ABCC4: variants seen among roughly 807,000 people sequenced by gnomAD.
ABCC4 encodes ATP binding cassette subfamily C member 4 (PEL blood group), also known as ATP-binding cassette sub-family C member 4.
Under a neutral mutation model 168.5 loss-of-function variants are expected in ABCC4, and 102 were observed. The observed-to-expected ratio is 0.61, with a 90% CI of 0.52 to 0.71. ABCC4 has a LOEUF of 0.71. Ranked by LOEUF, ABCC4 falls within the 30% of genes least tolerant of loss-of-function variation. ABCC4 has a pLI of 0.00. For synonymous variants in ABCC4, 617 were observed against 590.7 expected (o/e 1.04, Z -0.65); for missense variants, 1,402 against 1,605.8 (o/e 0.87, Z 2.17).
chr13:95,126,625 C>T (rs574239383), intron 19 of ABCC4, among the ~76,000 whole-genome samples: 100 of 150,232 alleles, frequency 6.7e-4, no homozygotes, highest in Middle Eastern at 3.4e-3. Flanking sequence ...GTTCCATCCC[C>T]GGCGCATCAT....
intron 11 of ABCC4, among the ~76,000 whole-genome samples, chr13:95,178,689 G>A (rs1445355556): frequency 2.0e-5 from 3 of 152,202 alleles, no homozygotes; most frequent in African/African-American, 4.8e-5. Flanking sequence ...GATGCACACG[G>A]AACTGCGAGC....
chr13:95,266,828 T>C (rs573692416), intron 1 of ABCC4, among the ~76,000 whole-genome samples: 50 of 58,430 alleles, frequency 8.6e-4, no homozygotes, highest in Admixed American at 7.4e-3. Context: ...CTCAAATCTC[T>C]TTTTTTTTTT....
intron 19 of ABCC4, among the ~76,000 whole-genome samples, chr13:95,133,093 A>C (rs988704675): frequency 2.7e-5 from 4 of 150,562 alleles, no homozygotes; most frequent in Non-Finnish European, 5.9e-5. Flanking sequence ...GGTGCATTTT[A>C]CTATGATTTT....
rs55998383 is a variant in ABCC4 at position 95,148,591 on chromosome 13, AACACACACACACACACAC to A, written c.2455+12580_2455+12597del. 1.9e-4 allele frequency among the ~76,000 whole-genome samples: 25 copies of A among 129,790 alleles called. No individual in the cohort carries two copies. In the South Asian group the frequency reaches 2.8e-3, roughly 15 times the overall value. 85.1% of individuals were successfully genotyped at this position (129,790 alleles called of 152,430 possible). ...TCTCTCCCTCTCCCCTACCCATCAC[AACACACACACACACACAC>A]ACACACACACACACACACACACACA... On this transcript the variant is annotated intron_variant, in intron 19 of 30. Transcript: ENST00000645237.
At chr13:95,074,447 AC>A in intron 22 of ABCC4, 123 bp from the exon 23 acceptor site, 2 of 672,770 alleles carry the variant, frequency 3.0e-6, no homozygotes, top group Admixed American at 2.9e-5. Context: ...CACCCAAGGA[AC>A]CTTTAGATTC....
chr13:95,290,243 A>C (rs1045221026), intron 1 of ABCC4, among the ~76,000 whole-genome samples: 2 of 152,194 alleles, frequency 1.3e-5, no homozygotes, highest in Admixed American at 6.6e-5. Flanking sequence ...ATGGCTGTCC[A>C]GGTGATCCAA....
At chr13:95,199,065 T>C (rs1173857425) in intron 8 of ABCC4, among the ~76,000 whole-genome samples, 1 of 152,146 alleles carries the variant, frequency 6.6e-6, no homozygotes, top group Non-Finnish European at 1.5e-5. Flanking sequence ...CCATGGCACA[T>C]GTATACCTAT....
chr13:95,099,728 G>A (rs2034730878), intron 20 of ABCC4, among the ~76,000 whole-genome samples: 3 of 152,142 alleles, frequency 2.0e-5, no homozygotes, highest in Admixed American at 2.0e-4. Context: ...CCCATAGGTG[G>A]CTGGCCCTTT....
intron 29 of ABCC4, among the ~76,000 whole-genome samples, chr13:95,037,578 G>A (rs146986127): frequency 6.6e-6 from 1 of 152,350 alleles, no homozygotes; most frequent in East Asian, 1.9e-4. Context: ...GAACCCGGGT[G>A]TAAACCTGTC....
At chr13:95,161,958 A>G (rs550094162) in intron 18 of ABCC4, among the ~76,000 whole-genome samples, 6 of 152,222 alleles carry the variant, frequency 3.9e-5, no homozygotes, top group Non-Finnish European at 8.8e-5. Flanking sequence ...AAATGAATAA[A>G]ATAAATCATA....
intron 26 of ABCC4, among the ~76,000 whole-genome samples, chr13:95,057,967 C>T (rs2033127428): frequency 6.6e-6 from 1 of 152,156 alleles, no homozygotes; most frequent in Admixed American, 6.5e-5. Context: ...CTCAAGTCTC[C>T]AGCCTTCTCC....
chr13:95,263,020 G>C (rs1670993688), intron 1 of ABCC4, among the ~76,000 whole-genome samples: 1 of 152,034 alleles, frequency 6.6e-6, no homozygotes, highest in Admixed American at 6.6e-5. Context: ...TTCACATTTT[G>C]GGGACTTTTG....
chr13:95,242,428 A>G (rs1182512963), intron 3 of ABCC4, among the ~76,000 whole-genome samples: 1 of 152,148 alleles, frequency 6.6e-6, no homozygotes, highest in Non-Finnish European at 1.5e-5. Flanking sequence ...GGGTTTCACC[A>G]GGTTGGTCAG....
chr13:95,072,256 T>A (rs1185856189), intron 24 of ABCC4, among the ~76,000 whole-genome samples: 5 of 152,142 alleles, frequency 3.3e-5, no homozygotes, highest in African/African-American at 1.2e-4. Context: ...AGGTCAGGTG[T>A]TTGACACCAG....
intron 27 of ABCC4, among the ~76,000 whole-genome samples, chr13:95,049,460 T>C (rs2032734108): frequency 6.6e-6 from 1 of 151,644 alleles, no homozygotes; most frequent in South Asian, 2.1e-4. Context: ...GCCAACATGG[T>C]GAAACCCCGT....
At chr13:95,076,275 T>A (rs1678343) in intron 21 of ABCC4, among the ~76,000 whole-genome samples, 1 of 152,192 alleles carries the variant, frequency 6.6e-6, no homozygotes, top group South Asian at 2.1e-4. Context: ...CAGATGTTTT[T>A]ATGACTGCCC....
chr13:95,022,187 C>T (rs1207891588), intron 30 of ABCC4, among the ~76,000 whole-genome samples: 2 of 152,058 alleles, frequency 1.3e-5, no homozygotes, highest in Non-Finnish European at 2.9e-5. Flanking sequence ...TTAATTTGTG[C>T]GGCAAAGCAG....
chr13:95,071,497 A>G (rs1031394571), intron 25 of ABCC4, among the ~76,000 whole-genome samples, 165 bp downstream of exon 25: 1 of 152,202 alleles, frequency 6.6e-6, no homozygotes. Context: ...ACAGTAAAGC[A>G]GTTCACAGCA....
intron 25 of ABCC4, among the ~76,000 whole-genome samples, chr13:95,064,728 G>A (rs2033465528): frequency 6.6e-6 from 1 of 152,024 alleles, no homozygotes; most frequent in South Asian, 2.1e-4. Context: ...ACTGAGGGCT[G>A]CCTACAACCA....
Sources: gnomAD v4.1 joint callset for allele counts (sites outside exome capture counted in the v4.1 genomes callset) on GRCh38, gnomAD v4.1.1 for gene constraint, MANE v1.5 for transcripts, NCBI Gene and HGNC (gene_info 2026-07-23, HGNC 2026-07-21) for gene names.